Variants in NKAIN3 observed in about 807,000 individuals in gnomAD.
The protein encoded by NKAIN3 is sodium/potassium transporting ATPase interacting 3.
A neutral mutation model predicts 30.2 loss-of-function variants in NKAIN3; 25 were observed. That is an observed-to-expected ratio of 0.83 (90% CI 0.60 to 1.16). The LOEUF (loss-of-function observed/expected upper bound fraction) is 1.16. Among genes scored for constraint, NKAIN3 ranks in the 50% most tolerant of loss-of-function variants. The pLI is 0.00. For synonymous variants in NKAIN3, 91 were observed against 89.6 expected (o/e 1.02, Z -0.09); for missense variants, 225 against 254.1 (o/e 0.89, Z 0.78).
chr8:62,709,487 C>G (rs548227568), intron 3 of NKAIN3, among the ~76,000 whole-genome samples: 4 of 152,098 alleles, frequency 2.6e-5, no homozygotes, highest in African/African-American at 9.6e-5. Flanking sequence ...ATCTCGTCTA[C>G]GTTTTCTAGT....
intron 5 of NKAIN3, among the ~76,000 whole-genome samples, chr8:62,951,761 C>G (rs985765042): frequency 1.3e-5 from 2 of 152,024 alleles, no homozygotes; most frequent in African/African-American, 4.8e-5. Flanking sequence ...CTGCACCTGG[C>G]TTAGCATAAG....
intron 1 of NKAIN3, among the ~76,000 whole-genome samples, chr8:62,267,457 CAT>C (rs1161803243): frequency 3.9e-5 from 6 of 152,168 alleles, no homozygotes; most frequent in East Asian, 1.9e-4. Flanking sequence ...TGGCAGATAA[CAT>C]GTGACATTAA....
intron 1 of NKAIN3, among the ~76,000 whole-genome samples, chr8:62,508,692 C>T (rs2129722703): frequency 6.6e-6 from 1 of 152,326 alleles, no homozygotes; most frequent in Non-Finnish European, 1.5e-5. Context: ...GTCTTCACCT[C>T]TCAGCCAGGC....
intron 4 of NKAIN3, among the ~76,000 whole-genome samples, chr8:62,767,244 G>C (rs1027729159): frequency 6.6e-6 from 1 of 152,090 alleles, no homozygotes; most frequent in African/African-American, 2.4e-5. Flanking sequence ...TCTTGCTTTG[G>C]ATCTAATAGT....
At chr8:62,760,425 A>G (rs1355047243) in intron 4 of NKAIN3, among the ~76,000 whole-genome samples, 1 of 152,162 alleles carries the variant, frequency 6.6e-6, no homozygotes. Flanking sequence ...GCACATATAC[A>G]CCATGGAATA....
chr8:62,409,292 C>T (rs1382350140), intron 1 of NKAIN3, among the ~76,000 whole-genome samples: 1 of 152,146 alleles, frequency 6.6e-6, no homozygotes, highest in Non-Finnish European at 1.5e-5. Flanking sequence ...TAAAGCAGTT[C>T]TCCTTCCTCA....
chr8:62,301,313 G>A (rs188268953), intron 1 of NKAIN3, among the ~76,000 whole-genome samples: 154 of 152,102 alleles, frequency 1.0e-3, no homozygotes, highest in African/African-American at 3.6e-3. Context: ...GAGTTTAATG[G>A]AGCAAAGAAG....
At chr8:62,729,425 C>T (rs370455338) in intron 3 of NKAIN3, among the ~76,000 whole-genome samples, 15 of 152,216 alleles carry the variant, frequency 9.9e-5, no homozygotes, top group African/African-American at 3.4e-4. Context: ...CTGGGTGTAA[C>T]GCAAAATGGT....
intron 3 of NKAIN3, among the ~76,000 whole-genome samples, chr8:62,660,172 A>T (rs577492982): frequency 1.3e-5 from 2 of 152,134 alleles, no homozygotes; most frequent in Non-Finnish European, 2.9e-5. Flanking sequence ...TGGAGCAACA[A>T]TCATGAGACC....
At chr8:62,960,553 G>A (rs1823542414) in intron 6 of NKAIN3, among the ~76,000 whole-genome samples, 1 of 151,768 alleles carries the variant, frequency 6.6e-6, no homozygotes, top group African/African-American at 2.4e-5. Flanking sequence ...ATTTTGCCCT[G>A]TTTCCAAGAG....
chr8:62,497,996 T>TC (rs758121825), intron 1 of NKAIN3, among the ~76,000 whole-genome samples: 1 of 152,148 alleles, frequency 6.6e-6, no homozygotes, highest in Non-Finnish European at 1.5e-5. Flanking sequence ...TTTCTTTCTT[T>TC]CTTTTTTTAC....
At chr8:62,922,685 A>G (rs16929861) in intron 5 of NKAIN3, among the ~76,000 whole-genome samples, 4,061 of 152,244 alleles carry the variant, frequency 0.027, 159 homozygotes, top group African/African-American at 0.082. Flanking sequence ...AACATTTCAA[A>G]GGAGCCACCA....
intron 3 of NKAIN3, among the ~76,000 whole-genome samples, chr8:62,690,456 A>T (rs1251747936): frequency 1.3e-5 from 2 of 152,212 alleles, no homozygotes; most frequent in African/African-American, 2.4e-5. Flanking sequence ...TGAAAGCTTT[A>T]TTCTCGGAAG....
At chr8:62,826,408 C>A (rs536377047) in intron 4 of NKAIN3, among the ~76,000 whole-genome samples, 2 of 152,260 alleles carry the variant, frequency 1.3e-5, no homozygotes, top group South Asian at 4.1e-4. Context: ...AAAATGTGAT[C>A]ATCATCTCTA....
intron 4 of NKAIN3, among the ~76,000 whole-genome samples, chr8:62,911,402 G>A (rs1821921941): frequency 6.6e-6 from 1 of 152,090 alleles, no homozygotes; most frequent in African/African-American, 2.4e-5. Context: ...GCAACTATGG[G>A]CTTACGATCC....
intron 1 of NKAIN3, among the ~76,000 whole-genome samples, chr8:62,519,553 A>G (rs1808092116): frequency 6.6e-6 from 1 of 152,160 alleles, no homozygotes; most frequent in Non-Finnish European, 1.5e-5. Flanking sequence ...TCAAAGAAGA[A>G]ATAAAAAATG....
chr8:62,805,771 G>C (rs1369160721), intron 4 of NKAIN3, among the ~76,000 whole-genome samples: 1 of 152,074 alleles, frequency 6.6e-6, no homozygotes, highest in South Asian at 2.1e-4. Context: ...AACACCAAAA[G>C]CAATGGCAAC....
At chr8:62,552,549 G>A (rs1809250049) in intron 1 of NKAIN3, among the ~76,000 whole-genome samples, 1 of 152,168 alleles carries the variant, frequency 6.6e-6, no homozygotes, top group Non-Finnish European at 1.5e-5. Flanking sequence ...GGTACTGCAT[G>A]GAACAAATGA....
chr8:62,571,332 C>A (rs540555009), intron 1 of NKAIN3, among the ~76,000 whole-genome samples: 4 of 152,130 alleles, frequency 2.6e-5, no homozygotes, highest in Non-Finnish European at 5.9e-5. Flanking sequence ...CCAGGGGTTT[C>A]ACCATGATGG....
Sources: gnomAD v4.1 joint callset for allele counts (sites outside exome capture counted in the v4.1 genomes callset) on GRCh38, gnomAD v4.1.1 for gene constraint, MANE v1.5 for transcripts, NCBI Gene and HGNC (gene_info 2026-07-23, HGNC 2026-07-21) for gene names.